CCM2: variants seen among roughly 807,000 people sequenced by gnomAD.
CCM2 encodes the protein cerebral cavernous malformations 2 protein.
In CCM2, 25 loss-of-function variants were observed where a neutral mutation model predicts 44.9. The ratio of observed to expected loss-of-function variants is 0.56; its 90% CI spans 0.41 to 0.78. CCM2 has a LOEUF of 0.78. Among genes scored for constraint, CCM2 ranks in the 30% least tolerant of loss-of-function variants. CCM2 has a pLI of 0.00. For missense variants in CCM2, 481 were observed against 580.6 expected (o/e 0.83, Z 1.76); for synonymous variants, 219 against 241.1 (o/e 0.91, Z 0.85).
chr7:45,057,170 C>CTT (rs35056855), intron 2 of CCM2, among the ~76,000 whole-genome samples: 1 of 147,752 alleles, frequency 6.8e-6, no homozygotes, highest in Non-Finnish European at 1.5e-5. Context: ...TTCTTTCTTT[C>CTT]TTTTTTTTTT....
Position 45,022,722 on chromosome 7 carries a change from T to C in CCM2, c.31-15531T>C, listed in dbSNP as rs1337690265. Among the ~76,000 whole-genome samples, 4 of 152,054 alleles carry C rather than the reference T, an allele frequency of 2.6e-5. 1 individual carries two copies. The South Asian group carries it at 8.3e-4, about 31-fold the overall frequency. ...GTGGTTTTTGGTTACATGGGTGAAT[T>C]GTATAGTGATGAAGTCTGGCTTTTA... On this transcript the variant is annotated intron_variant, in intron 1 of 9. Coordinates refer to ENST00000258781, the MANE Select transcript of CCM2 (RefSeq NM_031443.4).
intron 1 of CCM2, among the ~76,000 whole-genome samples, chr7:45,036,600 A>G (rs1298938357): frequency 6.6e-6 from 1 of 152,088 alleles, no homozygotes; most frequent in Non-Finnish European, 1.5e-5. Flanking sequence ...TGGACGACCA[A>G]TTTCTGCTTT....
chr7:45,066,302 A>G (rs938825854), intron 4 of CCM2, among the ~76,000 whole-genome samples: 1 of 152,056 alleles, frequency 6.6e-6, no homozygotes, highest in African/African-American at 2.4e-5. Context: ...TTATTTTTTA[A>G]TTTTTAAAAT....
At chr7:45,042,307 G>C (rs902674197) in intron 2 of CCM2, among the ~76,000 whole-genome samples, 7 of 147,688 alleles carry the variant, frequency 4.7e-5, no homozygotes, top group African/African-American at 1.8e-4. Context: ...GAGGGCCTAG[G>C]TTAAATTTTC....
In CCM2 at chr7:45,068,599, C is replaced by T. The variant is rs775824096; in HGVS notation, c.609+20C>T. 5.6e-6 allele frequency: 9 copies of T among 1,613,472 alleles called. No individual in the cohort carries two copies. The highest frequency in any genetic ancestry group is 6.8e-6 in the Non-Finnish European group (8 of 1,180,006). The stretch of plus-strand genomic sequence containing the variant: ...AGCAAGGTGAGACTTTCTCGCCCCA[C>T]TTACTCAGAACTGGCTCCTCCCAGA... On this transcript the variant is annotated intron_variant, in intron 5 of 9. Transcript: ENST00000258781.
At chr7:45,001,159 C>G (rs533687971) in intron 1 of CCM2, among the ~76,000 whole-genome samples, 2 of 152,212 alleles carry the variant, frequency 1.3e-5, no homozygotes. Flanking sequence ...GATTTTACTA[C>G]CCTGAACTCT....
chr7:45,060,032 C>T (rs1174115932), intron 2 of CCM2, among the ~76,000 whole-genome samples: 1 of 152,160 alleles, frequency 6.6e-6, no homozygotes, highest in Non-Finnish European at 1.5e-5. Flanking sequence ...ATTAATTTTA[C>T]CTACATTTAT....
chr7:45,013,413 A>G (rs1470447878), intron 1 of CCM2, among the ~76,000 whole-genome samples: 2 of 152,156 alleles, frequency 1.3e-5, no homozygotes, highest in African/African-American at 2.4e-5. Flanking sequence ...TATACAGAGT[A>G]CACAGAGCCC....
rs1193657159 is a variant in CCM2 at position 45,000,222 on chromosome 7, C to A, written c.-112C>A. On this transcript the variant is annotated 5_prime_UTR_variant, in exon 1 of 10. Coordinates refer to ENST00000258781, the MANE Select transcript of CCM2 (RefSeq NM_031443.4). The stretch of plus-strand genomic sequence containing the variant: ...GGGCGGAGACTTCGGGCCCGGCTGG[C>A]GGGCGGCGCCGGGAGCGCGGGGGCG... 3.6e-6 allele frequency: 2 copies of A among 558,644 alleles called. No homozygotes were observed. Among genetic ancestry groups the A allele is most frequent in the Non-Finnish European group, 4.2e-6 (2 of 474,770 alleles). The allele number at this position is 558,644 out of a possible 1,614,324, so 34.6% of individuals were successfully genotyped here.
Position 45,031,364 on chromosome 7 carries a change from A to G in CCM2, c.31-6889A>G, listed in dbSNP as rs573350899. The stretch of plus-strand genomic sequence containing the variant: ...ACCACTGTACTCCAGCCTGGGCTGT[A>G]TAGTGAGACTCCAGGTCAAAAAAAA... On this transcript the variant is annotated intron_variant, in intron 1 of 9. Transcript: ENST00000258781. Among the ~76,000 whole-genome samples, 3 of 141,324 alleles carry G rather than the reference A, an allele frequency of 2.1e-5. No homozygotes were observed. In the South Asian group the frequency reaches 7.2e-4, roughly 34 times the overall value. 92.7% of individuals were successfully genotyped at this position (141,324 alleles called of 152,430 possible).
At chr7:45,000,959 A>G (rs546963241) in intron 1 of CCM2, among the ~76,000 whole-genome samples, 215 of 152,372 alleles carry the variant, frequency 1.4e-3, no homozygotes, top group African/African-American at 5.0e-3. Flanking sequence ...GTCGATAAAG[A>G]AACATTTTAA....
rs778622443 is a variant in CCM2 at position 45,064,579 on chromosome 7, C to T, written c.405C>T (p.Pro135=). The T allele has an allele frequency of 1.1e-5, 17 of 1,614,020 alleles. No homozygotes were observed. In the East Asian group the frequency reaches 3.3e-4, roughly 32 times the overall value. ...RDGEDIILRV[P]IHDIAAVSYV... ...GGGAGGATATCATCCTCAGGGTGCC[C>T]ATCCATGACATCGCCGCCGTCTCCT... The change falls in exon 4 of 10, where the codon CCC becomes CCT. Residue 135 remains proline (P), a synonymous_variant. Transcript: ENST00000258781.
intron 2 of CCM2, among the ~76,000 whole-genome samples, chr7:45,040,847 A>G (rs1032676552): frequency 2.0e-5 from 3 of 152,152 alleles, no homozygotes; most frequent in African/African-American, 7.2e-5. Context: ...AAAATTAGCC[A>G]GGTGTAGTGG....
chr7:45,066,535 G>A (rs1378848340), intron 4 of CCM2, among the ~76,000 whole-genome samples: 1 of 152,220 alleles, frequency 6.6e-6, no homozygotes, highest in Non-Finnish European at 1.5e-5. Flanking sequence ...TGCCTGCTAT[G>A]TGCAAGCAAG....
At chr7:45,053,968 C>T (rs1030983618) in intron 2 of CCM2, among the ~76,000 whole-genome samples, 9 of 152,270 alleles carry the variant, frequency 5.9e-5, no homozygotes, top group Middle Eastern at 3.4e-3. Context: ...AGCCTGCCAG[C>T]AGTATCTGAG....
intron 1 of CCM2, among the ~76,000 whole-genome samples, chr7:45,036,607 C>T (rs982532026): frequency 1.3e-5 from 2 of 152,128 alleles, no homozygotes; most frequent in African/African-American, 4.8e-5. Flanking sequence ...CCAATTTCTG[C>T]TTTTTTCAGG....
At chr7:45,029,472 C>T (rs1429913509) in intron 1 of CCM2, 1 of 152,312 alleles carries the variant, frequency 6.6e-6, no homozygotes, top group Non-Finnish European at 1.5e-5. Context: ...CAGAGTAATA[C>T]TGAGCTCAAT....
intron 1 of CCM2, among the ~76,000 whole-genome samples, chr7:45,023,137 T>G (rs1373692351): frequency 2.0e-5 from 3 of 152,218 alleles, no homozygotes; most frequent in Non-Finnish European, 4.4e-5. Context: ...TCTCCCTTTC[T>G]AAGTCTCCAG....
intron 2 of CCM2, among the ~76,000 whole-genome samples, chr7:45,047,691 G>A (rs1204568654): frequency 6.6e-6 from 1 of 152,188 alleles, no homozygotes; most frequent in East Asian, 1.9e-4. Context: ...AACAGATTAG[G>A]GTTTGCTAGG....
Sources: gnomAD v4.1 joint callset for allele counts (sites outside exome capture counted in the v4.1 genomes callset) on GRCh38, gnomAD v4.1.1 for gene constraint, MANE v1.5 for transcripts, NCBI Gene and HGNC (gene_info 2026-07-23, HGNC 2026-07-21) for gene names.